The following RPS6KA2 variants were observed in gnomAD, a reference collection of about 807,000 sequenced individuals.
RPS6KA2 encodes ribosomal protein S6 kinase alpha-2.
RPS6KA2 carries 42 observed loss-of-function variants against 91.8 expected under a neutral mutation model. That is an observed-to-expected ratio of 0.46 (90% CI 0.36 to 0.59). RPS6KA2 has a LOEUF of 0.59. Ranked by LOEUF, RPS6KA2 falls within the 20% of genes least tolerant of loss-of-function variation. The pLI is 0.00. For missense variants in RPS6KA2, 798 were observed against 978.5 expected (o/e 0.82, Z 2.46); for synonymous variants, 414 against 393.6 (o/e 1.05, Z -0.61).
intron 2 of RPS6KA2, among the ~76,000 whole-genome samples, chr6:166,685,087 G>C (rs1020892685): frequency 6.6e-6 from 1 of 152,212 alleles, no homozygotes; most frequent in African/African-American, 2.4e-5. Context: ...CCCCAACCTC[G>C]AAGTCCCCAT....
At chr6:166,685,975 G>A (rs936664963) in intron 2 of RPS6KA2, among the ~76,000 whole-genome samples, 2 of 152,202 alleles carry the variant, frequency 1.3e-5, no homozygotes, top group African/African-American at 4.8e-5. Context: ...CGAACGAAGG[G>A]GCTGAGACGA....
intron 2 of RPS6KA2, among the ~76,000 whole-genome samples, chr6:166,786,345 A>G (rs1430064642): frequency 1.3e-5 from 2 of 152,268 alleles, no homozygotes; most frequent in Non-Finnish European, 2.9e-5. Flanking sequence ...TCATGGTATT[A>G]GCAGTAAGAA....
intron 2 of RPS6KA2, among the ~76,000 whole-genome samples, chr6:166,763,616 T>C (rs1217681060): frequency 6.6e-6 from 1 of 152,186 alleles, no homozygotes; most frequent in Non-Finnish European, 1.5e-5. Context: ...TGGATTTCCT[T>C]GGGGGAACAA....
At chr6:166,651,198 C>CAT (rs1165403435) in intron 2 of RPS6KA2, among the ~76,000 whole-genome samples, 12 of 152,204 alleles carry the variant, frequency 7.9e-5, no homozygotes, top group African/African-American at 1.9e-4. Flanking sequence ...ATACTTATAT[C>CAT]ATATATATAT....
intron 2 of RPS6KA2, among the ~76,000 whole-genome samples, chr6:166,764,032 C>A (rs144460211): frequency 2.0e-5 from 3 of 152,180 alleles, no homozygotes; most frequent in Non-Finnish European, 2.9e-5. Context: ...AGAAAGAATG[C>A]GAAGTGTTTG....
At chr6:166,702,673 G>A in intron 2 of RPS6KA2, 5 of 1,455,796 alleles carry the variant, frequency 3.4e-6, no homozygotes, top group Non-Finnish European at 3.9e-6. Flanking sequence ...ACCTGAAAGC[G>A]CCTCAATGGC....
chr6:166,736,695 G>A (rs77786671), intron 2 of RPS6KA2, among the ~76,000 whole-genome samples: 14,729 of 152,076 alleles, frequency 0.097, 1,346 homozygotes, highest in African/African-American at 0.24. Context: ...CATGAGGCTG[G>A]CCGAGGGTCG....
At position 166,837,606 on chromosome 6, in the gene RPS6KA2, C is replaced by A. The variant is rs73788163; in HGVS notation, c.123+20594G>T. ...AGTGAGGATGGCCCCGTGGCTGGGG[C>A]TCTGGGGTCCTAGGCTGGTGCTGGG... On this transcript the variant is annotated intron_variant, in intron 2 of 21. Transcript: ENST00000503859. 8.9e-3 allele frequency among the ~76,000 whole-genome samples: 1,357 copies of A among 152,334 alleles called. 12 individuals carry two copies. The highest frequency in any genetic ancestry group is 0.031 in the African/African-American group (1,290 of 41,570).
At chr6:166,756,509 T>C (rs1421234167) in intron 2 of RPS6KA2, among the ~76,000 whole-genome samples, 2 of 152,236 alleles carry the variant, frequency 1.3e-5, no homozygotes, top group African/African-American at 4.8e-5. Context: ...TGATGCACTC[T>C]GATTACATAT....
In RPS6KA2 at chr6:166,504,620, G is replaced by GA; in HGVS notation, c.460-9dup. 3.8e-6 allele frequency: 6 copies of GA among 1,586,090 alleles called. No individual in the cohort carries two copies. The highest frequency in any genetic ancestry group is 5.1e-6 in the Non-Finnish European group (6 of 1,165,820). On this transcript the variant is annotated splice_polypyrimidine_tract_variant and intron_variant, in intron 5 of 20. Transcript: ENST00000265678. ...CTCCTCCGTGAACATGACCTAGTAA[G>GA]AAAAAAACAAAAACAAAAACAAAAA...
In RPS6KA2 at chr6:166,737,107, C is replaced by T. The variant is rs1349985837; in HGVS notation, c.123+121093G>A. Among the ~76,000 whole-genome samples, 1 of 152,154 alleles carries T rather than the reference C, an allele frequency of 6.6e-6. No homozygotes were observed. Among genetic ancestry groups the T allele is most frequent in the Non-Finnish European group, 1.5e-5 (1 of 68,038 alleles). On this transcript the variant is annotated intron_variant, in intron 2 of 21. Coordinates refer to the RPS6KA2 transcript ENST00000503859. The surrounding 1 kb of genome is among the most constrained non-coding windows in gnomAD (Gnocchi z 4.3). ...AAGATAGATGCACATTCTTTGTCAA[C>T]TGTCACAAACGAGGTCCTTGATTTT...
chr6:166,682,575 T>A lies in RPS6KA2; in HGVS notation c.124-143791A>T, dbSNP rs560386835. Among the ~76,000 whole-genome samples, 52 of 151,308 alleles carry A rather than the reference T, an allele frequency of 3.4e-4. 1 individual carries two copies. Among genetic ancestry groups the A allele is most frequent in the African/African-American group, 1.3e-3 (52 of 41,198 alleles). On this transcript the variant is annotated intron_variant, in intron 2 of 21. Coordinates refer to the RPS6KA2 transcript ENST00000503859. ...CTGAACTCCAGGGTCTAGAACAGAG[T>A]GAGAGGGAGGAGGGACTCCATAATT...
chr6:166,497,260 G>A (rs553930189), intron 8 of RPS6KA2, among the ~76,000 whole-genome samples: 3 of 152,310 alleles, frequency 2.0e-5, no homozygotes, highest in East Asian at 3.9e-4. Context: ...GGCTGAGCTC[G>A]CGGGCCCCTT....
At chr6:166,748,262 G>T (rs917016003) in intron 2 of RPS6KA2, among the ~76,000 whole-genome samples, 1 of 152,240 alleles carries the variant, frequency 6.6e-6, no homozygotes, top group East Asian at 1.9e-4. Flanking sequence ...GAGGGAGTGC[G>T]GGCCAGGCTT....
At chr6:166,813,806 A>G (rs1044331265) in intron 2 of RPS6KA2, among the ~76,000 whole-genome samples, 1 of 152,144 alleles carries the variant, frequency 6.6e-6, no homozygotes, top group Non-Finnish European at 1.5e-5. Context: ...TTCTTTTTTC[A>G]AAAGGAAATA....
chr6:166,702,012 A>T, intron 2 of RPS6KA2: 1 of 1,038,428 alleles, frequency 9.6e-7, no homozygotes, highest in South Asian at 1.3e-5. Flanking sequence ...TCTTCTGTGA[A>T]TTTTACATCT....
At chr6:166,853,209 C>T (rs1040843620) in intron 2 of RPS6KA2, among the ~76,000 whole-genome samples, 12 of 152,134 alleles carry the variant, frequency 7.9e-5, no homozygotes, top group African/African-American at 2.4e-4. Context: ...GAGGCCAAGG[C>T]GAGAGGATCG....
chr6:166,525,331 A>ACATTTAAGGCATC (rs1782987162), intron 3 of RPS6KA2, among the ~76,000 whole-genome samples: 1 of 152,180 alleles, frequency 6.6e-6, no homozygotes, highest in Non-Finnish European at 1.5e-5. Context: ...GGAGTCGAGC[A>ACATTTAAGGCATC]CATTTAAGGC....
rs186973268 is a variant in RPS6KA2, at chr6:166,815,903, A to C, written c.123+42297T>G. ...CATTCTACAAAAATAAAAGGAGTGA[A>C]TTGAAACTAAAGTGTAGCTCATAAA... On this transcript the variant is annotated intron_variant, in intron 2 of 21. Transcript: ENST00000503859. Among the ~76,000 whole-genome samples the C allele has an allele frequency of 3.5e-3, 526 of 152,286 alleles. 1 individual carries two copies. Among genetic ancestry groups the C allele is most frequent in the African/African-American group, 0.012 (488 of 41,560 alleles).
Sources: allele counts gnomAD v4.1 joint callset (sites outside exome capture counted in the v4.1 genomes callset), GRCh38; gene constraint gnomAD v4.1.1; non-coding constraint Gnocchi (gnomAD v3.1); transcripts MANE v1.5; gene names NCBI Gene and HGNC (gene_info 2026-07-23, HGNC 2026-07-21).